GPHN: variants seen among roughly 807,000 people sequenced by gnomAD.
The protein encoded by GPHN is gephyrin.
Under a neutral mutation model 95.5 loss-of-function variants are expected in GPHN, and 17 were observed. The ratio of observed to expected loss-of-function variants is 0.18; its 90% CI spans 0.12 to 0.27. The LOEUF (loss-of-function observed/expected upper bound fraction) is 0.27, where lower values mean the gene tolerates loss of function less well. Among genes scored for constraint, GPHN ranks in the 10% least tolerant of loss-of-function variants. The pLI, the probability that GPHN is intolerant of heterozygous loss-of-function variation, is 1.00. For synonymous variants in GPHN, 320 were observed against 322.5 expected, an observed-to-expected ratio of 0.99 and a Z score of 0.08; for missense variants, 660 against 978.1, an observed-to-expected ratio of 0.67 and a Z score of 4.34.
chr14:67,270,031 A>G, the GPHN span: 3 of 152,158 alleles, frequency 2.0e-5, no homozygotes, highest in East Asian at 1.9e-4. Context: ...TATCTCTTCT[A>G]TTTTACTCTG....
At chr14:67,675,621 G>GT in the GPHN span, among the ~76,000 whole-genome samples, 1 of 152,196 alleles carries the variant, frequency 6.6e-6, no homozygotes, top group African/African-American at 2.4e-5. Flanking sequence ...GACAACAGGT[G>GT]TTTGTCAAGC....
chr14:67,122,132 C>CA, intron 16 of GPHN, 124 bp from the exon 17 acceptor site: 1 of 898,192 alleles, frequency 1.1e-6, no homozygotes, highest in Non-Finnish European at 1.8e-6. Context: ...CATTCACCTT[C>CA]AAAATGCCAG....
intron 11 of GPHN, among the ~76,000 whole-genome samples, chr14:67,085,506 A>G (rs530879787): frequency 6.6e-6 from 1 of 152,314 alleles, no homozygotes; most frequent in South Asian, 2.1e-4. Context: ...GTCAGTATCA[A>G]CTGTCTTTCA....
intron 9 of GPHN, among the ~76,000 whole-genome samples, chr14:66,998,673 T>C (rs547878589): frequency 6.6e-6 from 1 of 152,090 alleles, no homozygotes. Flanking sequence ...TTCACTATTG[T>C]AGAAATTAAG....
At chr14:67,433,557 A>T in the GPHN span, among the ~76,000 whole-genome samples, 15 of 152,160 alleles carry the variant, frequency 9.9e-5, no homozygotes, top group African/African-American at 3.6e-4. Flanking sequence ...AATGAGACGC[A>T]TCCTATAATT....
At chr14:66,822,072 C>T (rs1006700374) in intron 3 of GPHN, among the ~76,000 whole-genome samples, 1 of 152,148 alleles carries the variant, frequency 6.6e-6, no homozygotes, top group Non-Finnish European at 1.5e-5. Context: ...CTGCCTCAGC[C>T]TCCCGAGTAG....
At chr14:66,531,723 G>A (rs2058946655) in intron 1 of GPHN, among the ~76,000 whole-genome samples, 1 of 152,134 alleles carries the variant, frequency 6.6e-6, no homozygotes, top group African/African-American at 2.4e-5. Flanking sequence ...ACTTTGCATG[G>A]TGTTAGGCTA....
chr14:66,692,515 C>G (rs1472230889), intron 2 of GPHN, among the ~76,000 whole-genome samples: 2 of 152,154 alleles, frequency 1.3e-5, no homozygotes, highest in East Asian at 3.8e-4. Flanking sequence ...ACCTACGTCT[C>G]TCTAATAAGT....
At chr14:67,097,446 A>G (rs771324876) in intron 12 of GPHN, among the ~76,000 whole-genome samples, 7 of 152,138 alleles carry the variant, frequency 4.6e-5, no homozygotes, top group Admixed American at 2.0e-4. Flanking sequence ...GCCTTTGCAC[A>G]TATGTTCTCT....
chr14:66,678,449 T>C (rs995290809), intron 1 of GPHN, among the ~76,000 whole-genome samples: 1 of 151,994 alleles, frequency 6.6e-6, no homozygotes, highest in Non-Finnish European at 1.5e-5. Flanking sequence ...TTTTATGACA[T>C]TCTATTTAAT....
At chr14:67,574,888 C>T in the GPHN span, among the ~76,000 whole-genome samples, 2 of 152,182 alleles carry the variant, frequency 1.3e-5, no homozygotes, top group South Asian at 4.1e-4. This position sits in a 1 kb window ranked among gnomAD's most constrained non-coding sequence, Gnocchi z 4.2. Context: ...TTAGCTAGAC[C>T]AGAACACCAG....
the GPHN span, chr14:67,390,823 C>T: frequency 5.9e-6 from 6 of 1,020,440 alleles, no homozygotes; most frequent in Non-Finnish European, 9.4e-6. Context: ...CATGTAATGC[C>T]AAACCCCCAA....
intron 1 of GPHN, among the ~76,000 whole-genome samples, chr14:66,611,177 G>A (rs2140935935): frequency 6.6e-6 from 1 of 152,216 alleles, no homozygotes; most frequent in South Asian, 2.1e-4. Flanking sequence ...AGAATATGCA[G>A]GGGATTTTTT....
the GPHN span, among the ~76,000 whole-genome samples, chr14:67,194,361 GA>G: frequency 0.012 from 1,393 of 117,798 alleles, 17 homozygotes; most frequent in African/African-American, 0.037. Flanking sequence ...AAGACCTGTA[GA>G]AAAAAAAAAA....
At chr14:66,535,304 T>A (rs769035092) in intron 1 of GPHN, among the ~76,000 whole-genome samples, 1 of 152,086 alleles carries the variant, frequency 6.6e-6, no homozygotes, top group Non-Finnish European at 1.5e-5. Context: ...CTTACTAGAG[T>A]GTATATGCTC....
At chr14:67,336,271 G>GTTTC in the GPHN span, 1 of 152,878 alleles carries the variant, frequency 6.5e-6, no homozygotes, top group Non-Finnish European at 1.5e-5. Flanking sequence ...CAAACAAAAA[G>GTTTC]TTTCTTACAT....
At chr14:66,986,124 T>A (rs2071012718) in intron 9 of GPHN, among the ~76,000 whole-genome samples, 1 of 123,632 alleles carries the variant, frequency 8.1e-6, no homozygotes, top group Admixed American at 8.0e-5. Flanking sequence ...TTAGCTTTTT[T>A]TTGTAAAAAA....
the GPHN span, among the ~76,000 whole-genome samples, chr14:67,565,634 T>A: frequency 7.9e-5 from 12 of 152,164 alleles, no homozygotes; most frequent in African/African-American, 2.9e-4. Context: ...CTTTGATTCA[T>A]GGGCAGACAT....
At chr14:67,663,974 C>T in the GPHN span, among the ~76,000 whole-genome samples, 2 of 152,078 alleles carry the variant, frequency 1.3e-5, no homozygotes, top group African/African-American at 4.8e-5. Context: ...AAAATTAGCT[C>T]CTTTTAAGAG....
Sources: allele counts gnomAD v4.1 joint callset (sites outside exome capture counted in the v4.1 genomes callset), GRCh38; gene constraint gnomAD v4.1.1; non-coding constraint Gnocchi (gnomAD v3.1); transcripts MANE v1.5; gene names NCBI Gene and HGNC (gene_info 2026-07-23, HGNC 2026-07-21).